The following EYA4 variants were observed in gnomAD, a reference collection of about 807,000 sequenced individuals.
EYA4 encodes the protein EYA transcriptional coactivator and phosphatase 4, also known as protein phosphatase EYA4.
Under a neutral mutation model 87.9 loss-of-function variants are expected in EYA4, and 31 were observed. The ratio of observed to expected loss-of-function variants is 0.35; its 90% CI spans 0.27 to 0.48. The LOEUF (loss-of-function observed/expected upper bound fraction) is 0.48. Among genes scored for constraint, EYA4 ranks in the 20% least tolerant of loss-of-function variants. EYA4 has a pLI of 0.99. For synonymous variants in EYA4, 263 were observed against 270.6 expected (o/e 0.97, Z 0.28); for missense variants, 678 against 761.4 (o/e 0.89, Z 1.29).
chr6:133,394,929 A>G (rs551383837), intron 3 of EYA4, among the ~76,000 whole-genome samples: 58 of 152,322 alleles, frequency 3.8e-4, no homozygotes, highest in African/African-American at 1.3e-3. Flanking sequence ...CTGTGTGATG[A>G]TTCTCACTAG....
chr6:133,524,873 A>G, intron 18 of EYA4: 1 of 774,460 alleles, frequency 1.3e-6, no homozygotes, highest in South Asian at 1.4e-5. Flanking sequence ...GCCTTACCTT[A>G]TTCAAATATA....
intron 2 of EYA4, among the ~76,000 whole-genome samples, chr6:133,321,511 T>G (rs1043107255): frequency 9.2e-5 from 14 of 152,218 alleles, no homozygotes; most frequent in African/African-American, 3.1e-4. Context: ...AGTTGTTGTT[T>G]GCAGAAGTTT....
chr6:133,407,149 A>G (rs895199108), intron 3 of EYA4, among the ~76,000 whole-genome samples: 2 of 151,908 alleles, frequency 1.3e-5, no homozygotes, highest in African/African-American at 4.8e-5. Context: ...AACTCCTTAC[A>G]TTGGGATATT....
At chr6:133,389,544 T>C (rs1033515403) in intron 3 of EYA4, among the ~76,000 whole-genome samples, 6 of 152,194 alleles carry the variant, frequency 3.9e-5, no homozygotes, top group African/African-American at 1.4e-4. Flanking sequence ...AACTTCCAAA[T>C]ACACAAATCT....
chr6:133,383,281 A>C (rs983320321), intron 3 of EYA4, among the ~76,000 whole-genome samples: 1 of 152,154 alleles, frequency 6.6e-6, no homozygotes, highest in African/African-American at 2.4e-5. Flanking sequence ...GGCCAAGGCC[A>C]AGGTGGGTGG....
At chr6:133,410,076 G>A (rs1183089098) in intron 3 of EYA4, among the ~76,000 whole-genome samples, 3 of 152,000 alleles carry the variant, frequency 2.0e-5, no homozygotes, top group Non-Finnish European at 2.9e-5. Context: ...TTTTAATGCA[G>A]CAAATTTACT....
rs202170743 is a variant in EYA4 at position 133,244,493 on chromosome 6, C to A, written c.-66+2744C>A. Among the ~76,000 whole-genome samples the A allele has an allele frequency of 7.2e-5, 11 of 151,786 alleles. No homozygotes were observed. The East Asian group carries it at 1.7e-3, about 24-fold the overall frequency. ...TATTAATTGTTAAGAAAAATAGATG[C>A]TGAATTTCAGAGGGTTTCTAGAAGC... On this transcript the variant is annotated intron_variant, in intron 1 of 19. Coordinates refer to ENST00000355286, the MANE Select transcript of EYA4 (RefSeq NM_004100.5).
rs1359005652 is a variant in EYA4 at position 133,407,956 on chromosome 6, G to A, written c.83+25515G>A. Among the ~76,000 whole-genome samples the A allele has an allele frequency of 2.0e-5, 3 of 152,068 alleles. No individual in the cohort carries two copies. In the East Asian group the frequency reaches 5.8e-4, roughly 29 times the overall value. ...TCTTTGGAGGATTTAAAGTATGGGG[G>A]GAAGAAAAGGAAACCTGACTTACAT... is the stretch of plus-strand genomic sequence containing the variant. On this transcript the variant is annotated intron_variant, in intron 3 of 19. Coordinates refer to ENST00000355286, the MANE Select transcript of EYA4 (RefSeq NM_004100.5).
intron 2 of EYA4, among the ~76,000 whole-genome samples, chr6:133,329,857 A>T (rs1479034048): frequency 6.6e-6 from 1 of 152,076 alleles, no homozygotes; most frequent in Non-Finnish European, 1.5e-5. Flanking sequence ...GTGAATGGTG[A>T]CGTGATGTCA....
intron 2 of EYA4, among the ~76,000 whole-genome samples, chr6:133,341,018 G>A (rs574478397): frequency 1.8e-4 from 27 of 152,248 alleles, no homozygotes; most frequent in African/African-American, 5.8e-4. Context: ...ATCATGGAGC[G>A]CAAAACTTAG....
At chr6:133,493,510 G>A (rs1225044102) in intron 13 of EYA4, among the ~76,000 whole-genome samples, 2 of 152,066 alleles carry the variant, frequency 1.3e-5, no homozygotes, top group Non-Finnish European at 2.9e-5. Flanking sequence ...AAACATTGGG[G>A]ACACTCTCCA....
chr6:133,462,615 G>A lies in EYA4; in HGVS notation c.581-6G>A, dbSNP rs566089728. 1 of 1,613,936 alleles carries A rather than the reference G, an allele frequency of 6.2e-7. No individual in the cohort carries two copies. Among genetic ancestry groups the A allele is most frequent in the African/African-American group, 1.3e-5 (1 of 75,016 alleles). ...AAATGGTTTACACATTCAATTTTCT[G>A]AACAGATTTGGGTGTGATGTTGCCA... is the stretch of plus-strand genomic sequence containing the variant. On this transcript the variant is annotated splice_polypyrimidine_tract_variant and splice_region_variant and intron_variant, in intron 8 of 19. Coordinates refer to ENST00000355286, the MANE Select transcript of EYA4 (RefSeq NM_004100.5).
intron 2 of EYA4, among the ~76,000 whole-genome samples, chr6:133,318,811 T>G (rs770659313): frequency 1.3e-5 from 2 of 152,162 alleles, no homozygotes; most frequent in African/African-American, 4.8e-5. Context: ...AATGTTGAGT[T>G]TCCTTGCAAG....
Position 133,241,691 on chromosome 6 carries a change from C to A in EYA4, c.-124C>A, listed in dbSNP as rs886061088. ...ACGAGAATAAATACTTAATTACGGACGCACTGAACCGCGGCTGGGACAGAC... is the reference window on the plus strand; with the variant it reads ...ACGAGAATAAATACTTAATTACGGAAGCACTGAACCGCGGCTGGGACAGAC... On this transcript the variant is annotated 5_prime_UTR_variant, in exon 1 of 20. Coordinates refer to ENST00000355286, the MANE Select transcript of EYA4 (RefSeq NM_004100.5). 6.6e-6 allele frequency: 1 copy of A among 152,260 alleles called. No homozygotes were observed. 9.4% of individuals were successfully genotyped at this position (152,260 alleles called of 1,614,324 possible).
At chr6:133,269,228 C>T (rs907761997) in intron 1 of EYA4, among the ~76,000 whole-genome samples, 7 of 152,180 alleles carry the variant, frequency 4.6e-5, no homozygotes, top group Non-Finnish European at 8.8e-5. Flanking sequence ...CACTGCACTA[C>T]AACCTGGGCG....
intron 3 of EYA4, among the ~76,000 whole-genome samples, chr6:133,405,364 G>A (rs11968392): frequency 0.067 from 10,196 of 152,202 alleles, 672 homozygotes; most frequent in East Asian, 0.31. Context: ...TTATAGTCCA[G>A]TGGTTCTGAC....
At chr6:133,335,438 C>A (rs1391860342) in intron 2 of EYA4, among the ~76,000 whole-genome samples, 2 of 152,172 alleles carry the variant, frequency 1.3e-5, no homozygotes, top group Admixed American at 6.5e-5. Context: ...CTACTAAATG[C>A]CAGGCACTGT....
intron 2 of EYA4, among the ~76,000 whole-genome samples, chr6:133,349,877 G>T (rs1317352443): frequency 6.6e-6 from 1 of 152,078 alleles, no homozygotes; most frequent in Non-Finnish European, 1.5e-5. Context: ...CTTCTAGCAA[G>T]ATTCAACTTG....
intron 13 of EYA4, among the ~76,000 whole-genome samples, chr6:133,497,615 G>A (rs1169328395): frequency 6.6e-6 from 1 of 152,144 alleles, no homozygotes; most frequent in Non-Finnish European, 1.5e-5. Flanking sequence ...AAATTCGACA[G>A]GATGTAGACC....
Sources: allele counts gnomAD v4.1 joint callset (sites outside exome capture counted in the v4.1 genomes callset), GRCh38; gene constraint gnomAD v4.1.1; transcripts MANE v1.5; gene names NCBI Gene and HGNC (gene_info 2026-07-23, HGNC 2026-07-21).